PARD3B: variants seen among roughly 807,000 people sequenced by gnomAD.
PARD3B encodes the protein par-3 family cell polarity regulator beta, also known as partitioning defective 3 homolog B.
A neutral mutation model predicts 130.2 loss-of-function variants in PARD3B; 103 were observed. That is an observed-to-expected ratio of 0.79 (90% CI 0.67 to 0.93). PARD3B has a LOEUF of 0.93. Ranked by LOEUF, PARD3B falls within the 40% of genes least tolerant of loss-of-function variation. The pLI, the probability that PARD3B is intolerant of heterozygous loss-of-function variation, is 0.00. For synonymous variants in PARD3B, 583 were observed against 553.2 expected (o/e 1.05, Z -0.76); for missense variants, 1,609 against 1,499.2 (o/e 1.07, Z -1.21).
chr2:205,384,024 T>A (rs561751326), intron 18 of PARD3B, among the ~76,000 whole-genome samples: 1 of 152,264 alleles, frequency 6.6e-6, no homozygotes, highest in South Asian at 2.1e-4. Context: ...CTTGAAACTA[T>A]GTTTTTTATC....
At chr2:204,878,649 A>G (rs1200405235) in intron 2 of PARD3B, among the ~76,000 whole-genome samples, 2 of 152,060 alleles carry the variant, frequency 1.3e-5, no homozygotes. Flanking sequence ...GCCCGAGTCT[A>G]TTTTCAGTTT....
chr2:205,359,904 G>T (rs1289813440), intron 18 of PARD3B, among the ~76,000 whole-genome samples: 1 of 152,092 alleles, frequency 6.6e-6, no homozygotes, highest in Non-Finnish European at 1.5e-5. Flanking sequence ...AATGCATTCT[G>T]TCCTTACTAC....
At chr2:204,744,534 T>C (rs1306048105) in intron 2 of PARD3B, among the ~76,000 whole-genome samples, 8 of 152,170 alleles carry the variant, frequency 5.3e-5, no homozygotes, top group Non-Finnish European at 8.8e-5. Context: ...CAGCTGAATG[T>C]ATGTTTTAAA....
At chr2:205,259,234 C>T (rs1322166675) in intron 16 of PARD3B, among the ~76,000 whole-genome samples, 2 of 152,154 alleles carry the variant, frequency 1.3e-5, no homozygotes, top group Non-Finnish European at 2.9e-5. Flanking sequence ...CTGACCTTCC[C>T]TCTTGGGTCT....
chr2:204,758,970 A>G (rs1020382899), intron 2 of PARD3B, among the ~76,000 whole-genome samples: 6 of 152,230 alleles, frequency 3.9e-5, no homozygotes, highest in Admixed American at 2.6e-4. Flanking sequence ...TCTTATTCAT[A>G]TCTCATATAG....
At chr2:205,331,306 C>T (rs2043118827) in intron 18 of PARD3B, among the ~76,000 whole-genome samples, 1 of 151,498 alleles carries the variant, frequency 6.6e-6, no homozygotes, top group Admixed American at 6.6e-5. Context: ...CATACACACA[C>T]ACTCCATAGA....
chr2:205,383,121 T>TAGATAGATAGATAGATAGATAGAG (rs2045532567), intron 18 of PARD3B, among the ~76,000 whole-genome samples: 13 of 150,740 alleles, frequency 8.6e-5, no homozygotes, highest in Non-Finnish European at 1.9e-4. Context: ...GATAGATAGA[T>TAGATAGATAGATAGATAGATAGAG]AGATAGATAG....
intron 5 of PARD3B, among the ~76,000 whole-genome samples, chr2:205,112,911 A>G (rs761976348): frequency 2.0e-5 from 3 of 152,208 alleles, no homozygotes; most frequent in Non-Finnish European, 2.9e-5. Flanking sequence ...TGTTCTGTTG[A>G]ATAGAACTGA....
At chr2:205,049,243 C>T (rs1028953657) in intron 4 of PARD3B, among the ~76,000 whole-genome samples, 1 of 152,142 alleles carries the variant, frequency 6.6e-6, no homozygotes, top group African/African-American at 2.4e-5. Flanking sequence ...TTAACTGACT[C>T]ACAGTTCTGC....
rs5837926 is a variant in PARD3B, at chr2:204,582,503, TC to T, written c.120+36392del. On this transcript the variant is annotated intron_variant, in intron 1 of 22. Transcript: ENST00000406610. Reference sequence around the variant, plus strand: ...AGTTTGAGTGAAAATAGATTGAGGTTCCCCCCCCTCATTTCACACTATTAAA... The same window carrying T: ...AGTTTGAGTGAAAATAGATTGAGGTTCCCCCCCTCATTTCACACTATTAAA... Among the ~76,000 whole-genome samples, 94 of 151,558 alleles carry T rather than the reference TC, an allele frequency of 6.2e-4. 1 individual carries two copies. Among genetic ancestry groups the T allele is most frequent in the African/African-American group, 2.2e-3 (89 of 41,226 alleles).
In PARD3B at chr2:204,763,645, C is replaced by T. The variant is rs113163797; in HGVS notation, c.222+77363C>T. Among the ~76,000 whole-genome samples, 377 of 152,300 alleles carry T rather than the reference C, an allele frequency of 2.5e-3. 2 individuals carry two copies. The highest frequency in any genetic ancestry group is 4.4e-3 in the Admixed American group (68 of 15,292). On this transcript the variant is annotated intron_variant, in intron 2 of 22. Transcript: ENST00000406610. ...TACTCCCAATAATAGAAGTGACTGA[C>T]GCATAGCCTCAGTTTTTTCTTAAAA...
intron 2 of PARD3B, among the ~76,000 whole-genome samples, chr2:204,811,828 A>T (rs2125525000): frequency 6.6e-6 from 1 of 152,318 alleles, no homozygotes; most frequent in East Asian, 1.9e-4. Context: ...ACAAAAAACA[A>T]AAAACTAATG....
At chr2:204,727,473 T>C (rs2039288146) in intron 2 of PARD3B, among the ~76,000 whole-genome samples, 1 of 152,142 alleles carries the variant, frequency 6.6e-6, no homozygotes, top group Non-Finnish European at 1.5e-5. Flanking sequence ...AATATGTGAA[T>C]TGTCTGTGGA....
At chr2:205,076,772 C>T (rs1701089521) in intron 4 of PARD3B, among the ~76,000 whole-genome samples, 1 of 149,678 alleles carries the variant, frequency 6.7e-6, no homozygotes, top group Admixed American at 6.6e-5. Context: ...AAAACCATTA[C>T]CCCATTTCCC....
At chr2:205,150,152 T>C (rs1483175711) in intron 10 of PARD3B, among the ~76,000 whole-genome samples, 1 of 151,142 alleles carries the variant, frequency 6.6e-6, no homozygotes. Flanking sequence ...TAACAAGTAA[T>C]GAAAAGATTT....
intron 18 of PARD3B, among the ~76,000 whole-genome samples, chr2:205,315,314 C>T (rs1483754868): frequency 6.6e-6 from 1 of 152,100 alleles, no homozygotes; most frequent in Non-Finnish European, 1.5e-5. Context: ...TAGCATCTAC[C>T]TAATAGAGTG....
intron 16 of PARD3B, among the ~76,000 whole-genome samples, chr2:205,254,899 C>T (rs984272870): frequency 5.3e-5 from 8 of 151,598 alleles, no homozygotes; most frequent in African/African-American, 7.3e-5. Flanking sequence ...CTCCTGACCT[C>T]GTGATCCGCC....
At chr2:204,776,007 T>C (rs1172989739) in intron 2 of PARD3B, among the ~76,000 whole-genome samples, 1 of 152,210 alleles carries the variant, frequency 6.6e-6, no homozygotes, top group Non-Finnish European at 1.5e-5. Flanking sequence ...ATTTACTTTT[T>C]TCCCACTTGT....
At chr2:205,535,207 A>G (rs1426255898) in intron 21 of PARD3B, among the ~76,000 whole-genome samples, 4 of 152,186 alleles carry the variant, frequency 2.6e-5, no homozygotes, top group Admixed American at 1.3e-4. Context: ...AACAACAGCC[A>G]CTAATCATGT....
Sources: allele counts gnomAD v4.1 joint callset (sites outside exome capture counted in the v4.1 genomes callset), GRCh38; gene constraint gnomAD v4.1.1; transcripts MANE v1.5; gene names NCBI Gene and HGNC (gene_info 2026-07-23, HGNC 2026-07-21).